Variants in SLC6A3 observed in about 807,000 individuals in gnomAD.
SLC6A3 encodes solute carrier family 6 member 3, also known as sodium-dependent dopamine transporter.
SLC6A3 carries 19 observed loss-of-function variants against 70.4 expected under a neutral mutation model. The observed-to-expected ratio is 0.27, with a 90% CI of 0.19 to 0.40. The LOEUF is 0.40. SLC6A3 is among the 10% of genes least tolerant of loss of function. SLC6A3 has a pLI of 1.00. For synonymous variants in SLC6A3, 368 were observed against 356.6 expected, an observed-to-expected ratio of 1.03 and a Z score of -0.36; for missense variants, 613 against 838.5, an observed-to-expected ratio of 0.73 and a Z score of 3.32.
intron 9 of SLC6A3, among the ~76,000 whole-genome samples, chr5:1,410,849 T>A (rs145164234): frequency 1.2e-3 from 181 of 151,906 alleles, no homozygotes; most frequent in Non-Finnish European, 2.2e-3. Flanking sequence ...TTCGTGTGTG[T>A]TCATGTATGT....
intron 7 of SLC6A3, among the ~76,000 whole-genome samples, chr5:1,415,148 C>T (rs1756255442): frequency 6.6e-6 from 1 of 152,040 alleles, no homozygotes; most frequent in Non-Finnish European, 1.5e-5. Flanking sequence ...TCCCGGGGAC[C>T]TCGCTAAGAT....
At chr5:1,432,807 A>G (rs28382235) in intron 3 of SLC6A3, 109 bp from the exon 4 acceptor site, 2 of 784,480 alleles carry the variant, frequency 2.5e-6, no homozygotes, top group South Asian at 1.5e-5. Flanking sequence ...CTGAGCCCAC[A>G]ACTCCTGGAC....
In SLC6A3 at chr5:1,411,430, G is replaced by A. The variant is rs1004897368; in HGVS notation, c.1157-75C>T. 11 of 1,092,322 alleles carry A rather than the reference G, an allele frequency of 1.0e-5. No individual in the cohort carries two copies. The highest frequency in any genetic ancestry group is 6.2e-5 in the African/African-American group (4 of 64,076). The allele number at this position is 1,092,322 out of a possible 1,614,324, so 67.7% of individuals were successfully genotyped here. A position where few individuals can be genotyped will look rare whatever the true frequency, so the allele number is the denominator to read the frequency against. On this transcript the variant is annotated intron_variant, in intron 8 of 14. Coordinates refer to ENST00000270349, the MANE Select transcript of SLC6A3 (RefSeq NM_001044.5). The surrounding 1 kb of genome is among the most constrained non-coding windows in gnomAD (Gnocchi z 6.5). ...CGCCCATCCTGCCCCACCCCGCCCC[G>A]AGAAGCATGGCCTGCCACAGGCCTG... is the stretch of plus-strand genomic sequence containing the variant.
Position 1,394,488 on chromosome 5 carries a change from CG to C in SLC6A3, c.*246del. On this transcript the variant is annotated 3_prime_UTR_variant, in exon 15 of 15. Coordinates refer to ENST00000270349, the MANE Select transcript of SLC6A3 (RefSeq NM_001044.5). The surrounding 1 kb of genome is among the most constrained non-coding windows in gnomAD (Gnocchi z 4.7). ...TTTTTCTGCCCTGCAGGGACAACAA[CG>C]GGGTGGACCTCGCTGCACAGATCTA... 1.6e-6 allele frequency: 1 copy of C among 613,970 alleles called. No individual in the cohort carries two copies. The highest frequency in any genetic ancestry group is 1.9e-5 in the South Asian group (1 of 52,212). 38.0% of individuals were successfully genotyped at this position (613,970 alleles called of 1,614,324 possible).
intron 3 of SLC6A3, among the ~76,000 whole-genome samples, chr5:1,434,047 A>C (rs749775488): frequency 6.6e-6 from 1 of 152,272 alleles, no homozygotes; most frequent in African/African-American, 2.4e-5. Flanking sequence ...ATCCATAGCC[A>C]TCTATGGCCA....
At chr5:1,443,461 G>A (rs939892397) in intron 1 of SLC6A3, among the ~76,000 whole-genome samples, 22 of 152,170 alleles carry the variant, frequency 1.4e-4, no homozygotes, top group African/African-American at 4.8e-4. Flanking sequence ...GGCCCATGGA[G>A]GCCTCAAGAC....
Position 1,432,529 on chromosome 5 carries a change from G to A in SLC6A3, c.588C>T (p.Asp196=). ...TGAGGCCCGAGCTGTCTCCACTGGA[G>A]TCACCAGGATGGGCATCCGAGCAGT... ...SPNCSDAHPG[D]SSGDSSGLND... Residue 196 remains aspartate, a synonymous_variant, in exon 4 of 15, where the codon GAC becomes GAT. Transcript: ENST00000270349. The A allele has an allele frequency of 1.2e-6, 2 of 1,614,264 alleles. No homozygotes were observed. The highest frequency in any genetic ancestry group is 8.5e-7 in the Non-Finnish European group (1 of 1,180,030).
At chr5:1,416,069 G>T in intron 7 of SLC6A3, 29 bp downstream of exon 7, 1 of 1,530,204 alleles carries the variant, frequency 6.5e-7, no homozygotes, top group Non-Finnish European at 9.1e-7. Context: ...TATTGATGAG[G>T]CCCCTGCCTG....
Position 1,406,181 on chromosome 5 carries a change from C to T in SLC6A3, c.1599+7G>A. 6.2e-7 allele frequency: 1 copy of T among 1,607,276 alleles called. No individual in the cohort carries two copies. Among genetic ancestry groups the T allele is most frequent in the Non-Finnish European group, 8.5e-7 (1 of 1,174,832 alleles). On this transcript the variant is annotated splice_region_variant and intron_variant, in intron 12 of 14. Coordinates refer to ENST00000270349, the MANE Select transcript of SLC6A3 (RefSeq NM_001044.5). The surrounding 1 kb of genome is among the most constrained non-coding windows in gnomAD (Gnocchi z 8.8). The stretch of plus-strand genomic sequence containing the variant: ...GGGGGAAGGGCAGGTGGCCCGAGGT[C>T]CCTTACCAGGAGAAAGCAGGGGCTG...
In SLC6A3 at chr5:1,400,971, T is replaced by C. The variant is rs758010586; in HGVS notation, c.1783A>G (p.Ile595Val). The C allele has an allele frequency of 5.0e-6, 8 of 1,596,826 alleles. No homozygotes were observed. The Admixed American group carries it at 1.2e-4, about 24-fold the overall frequency. ...GSFREKLAYA[I>V]APEKDRELVD... ...AGCTCACGGTCCTTCTCGGGTGCAA[T>C]GGCGTAGGCCAGTTTCTGAAAGAGA... The change falls in exon 14 of 15, where the codon ATT (isoleucine) becomes GTT (valine). Residue 595 changes from isoleucine to valine, a missense_variant. Physicochemically the swap from Ile to Val is conservative, Grantham distance 29. Transcript: ENST00000270349.
rs561468789 is a variant in SLC6A3 at position 1,401,219 on chromosome 5, T to G, written c.1768-233A>C. The G allele has an allele frequency of 1.3e-5, 9 of 695,146 alleles. 1 individual carries two copies. The South Asian group carries it at 1.3e-4, about 10-fold the overall frequency. 43.1% of individuals were successfully genotyped at this position (695,146 alleles called of 1,614,324 possible). On this transcript the variant is annotated intron_variant, in intron 13 of 14. Transcript: ENST00000270349. The surrounding 1 kb of genome is among the most constrained non-coding windows in gnomAD (Gnocchi z 6.1). The stretch of plus-strand genomic sequence containing the variant: ...AGGCCCGAAGCCAACATCCTGACGG[T>G]CCCCTTAAAGTCTAGCGCAGAGCAG...
At position 1,442,462 on chromosome 5, in the gene SLC6A3, C is replaced by T. The variant is rs1488594461; in HGVS notation, c.286+450G>A. Among the ~76,000 whole-genome samples, 1 of 152,208 alleles carries T rather than the reference C, an allele frequency of 6.6e-6. No individual in the cohort carries two copies. Among genetic ancestry groups the T allele is most frequent in the African/African-American group, 2.4e-5 (1 of 41,460 alleles). On this transcript the variant is annotated intron_variant, in intron 2 of 14. Coordinates refer to ENST00000270349, the MANE Select transcript of SLC6A3 (RefSeq NM_001044.5). This position sits in a 1 kb window ranked among gnomAD's most constrained non-coding sequence, Gnocchi z 5.0. Reference sequence around the variant, plus strand: ...CGCTTTCTGGCTCTGTGGCTGGGTTCTGGAGGGTGCAGGGGACACAGTCAC... The same window carrying T: ...CGCTTTCTGGCTCTGTGGCTGGGTTTTGGAGGGTGCAGGGGACACAGTCAC...
chr5:1,428,519 A>G (rs1271533620), intron 4 of SLC6A3, among the ~76,000 whole-genome samples: 1 of 152,230 alleles, frequency 6.6e-6, no homozygotes, highest in Non-Finnish European at 1.5e-5. Flanking sequence ...GCAGCCAATC[A>G]ATAATCTCCA....
At chr5:1,439,615 CT>C (rs1297746826) in intron 3 of SLC6A3, among the ~76,000 whole-genome samples, 2 of 152,252 alleles carry the variant, frequency 1.3e-5, no homozygotes, top group African/African-American at 2.4e-5. Context: ...AGGCCCACCC[CT>C]GACCCATTGG....
In SLC6A3 at chr5:1,421,076, C is replaced by G. The variant is rs891250214; in HGVS notation, c.793-373G>C. ...GATGAAGGGCTGCTCTGGGCTGTGTCCCTGCGGGAGGCTCCCGTGGCTGGT... is the reference window on the plus strand; with the variant it reads ...GATGAAGGGCTGCTCTGGGCTGTGTGCCTGCGGGAGGCTCCCGTGGCTGGT... On this transcript the variant is annotated intron_variant, in intron 5 of 14. Transcript: ENST00000270349. The surrounding 1 kb of genome is among the most constrained non-coding windows in gnomAD (Gnocchi z 7.2). Among the ~76,000 whole-genome samples the G allele has an allele frequency of 6.6e-6, 1 of 151,712 alleles. No homozygotes were observed. The highest frequency in any genetic ancestry group is 2.4e-5 in the African/African-American group (1 of 41,034).
At chr5:1,398,391 A>C (rs60712851) in intron 14 of SLC6A3, among the ~76,000 whole-genome samples, 4,132 of 151,826 alleles carry the variant, frequency 0.027, 168 homozygotes, top group African/African-American at 0.092. Flanking sequence ...TAAAGTATGT[A>C]AGTTCTAAGC....
At position 1,401,177 on chromosome 5, in the gene SLC6A3, C is replaced by A. The variant is rs560659935; in HGVS notation, c.1768-191G>T. The stretch of plus-strand genomic sequence containing the variant: ...TGACTTACACTGCCAGTGCCCATGC[C>A]GACCAGACAGCCAGTCAGGCCCGAA... On this transcript the variant is annotated intron_variant, in intron 13 of 14. Transcript: ENST00000270349. This position sits in a 1 kb window ranked among gnomAD's most constrained non-coding sequence, Gnocchi z 6.1. 7.1e-6 allele frequency: 5 copies of A among 701,284 alleles called. No homozygotes were observed. Among genetic ancestry groups the A allele is most frequent in the Admixed American group, 6.0e-5 (3 of 49,940 alleles). 43.4% of individuals were successfully genotyped at this position (701,284 alleles called of 1,614,324 possible). A position where few individuals can be genotyped will look rare whatever the true frequency, so the allele number is the denominator to read the frequency against.
In SLC6A3 at chr5:1,394,700, A is replaced by G. The variant is rs1042098; in HGVS notation, c.*35T>C. 0.26 allele frequency: 419,766 copies of G among 1,607,322 alleles called. 58,493 individuals carry two copies. Among genetic ancestry groups the G allele is most frequent in the African/African-American group, 0.46 (34,233 of 74,770 alleles). ...GGTTTGTTCGTGTCTCTCCCATTGC[A>G]GGATGACTTCCTGGGGTCTTCGTCT... On this transcript the variant is annotated 3_prime_UTR_variant, in exon 15 of 15. Coordinates refer to ENST00000270349, the MANE Select transcript of SLC6A3 (RefSeq NM_001044.5). The surrounding 1 kb of genome is among the most constrained non-coding windows in gnomAD (Gnocchi z 4.7).
chr5:1,411,117 A>C lies in SLC6A3; in HGVS notation c.1269+126T>G, dbSNP rs186962875. 6.0e-4 allele frequency: 432 copies of C among 720,054 alleles called. 2 individuals carry two copies. The African/African-American group carries it at 6.0e-3, about 10-fold the overall frequency. 44.6% of individuals were successfully genotyped at this position (720,054 alleles called of 1,614,324 possible). On this transcript the variant is annotated intron_variant, in intron 9 of 14. Coordinates refer to ENST00000270349, the MANE Select transcript of SLC6A3 (RefSeq NM_001044.5). The surrounding 1 kb of genome is among the most constrained non-coding windows in gnomAD (Gnocchi z 6.5). ...AATAATCACGGGGCTCGCCCAAGTC[A>C]AGGACAGGAGGTCTGGGGGCCGTAC...
Sources: allele counts gnomAD v4.1 joint callset (sites outside exome capture counted in the v4.1 genomes callset), GRCh38; gene constraint gnomAD v4.1.1; non-coding constraint Gnocchi (gnomAD v3.1); transcripts MANE v1.5; gene names NCBI Gene and HGNC (gene_info 2026-07-23, HGNC 2026-07-21).